The following ERC2 variants were observed in gnomAD, a reference collection of about 807,000 sequenced individuals.
ERC2 encodes the protein ELKS/RAB6-interacting/CAST family member 2.
In ERC2, 42 loss-of-function variants were observed where a neutral mutation model predicts 114.8. The ratio of observed to expected loss-of-function variants is 0.37; its 90% confidence interval spans 0.29 to 0.47. The LOEUF (loss-of-function observed/expected upper bound fraction) is 0.47. ERC2 is among the 20% of genes least tolerant of loss of function. The pLI is 0.99. For missense variants in ERC2, 939 were observed against 1,150.7 expected, an observed-to-expected ratio of 0.82 and a Z score of 2.66; for synonymous variants, 454 against 425.5, an observed-to-expected ratio of 1.07 and a Z score of -0.82.
intron 7 of ERC2, among the ~76,000 whole-genome samples, chr3:56,062,268 C>T (rs1040992582): frequency 2.6e-5 from 4 of 152,066 alleles, no homozygotes; most frequent in South Asian, 2.1e-4. Flanking sequence ...AAATAATAAA[C>T]GGTAAGAGAA....
intron 3 of ERC2, among the ~76,000 whole-genome samples, chr3:56,209,255 C>A (rs1008182416): frequency 1.3e-5 from 2 of 152,154 alleles, no homozygotes; most frequent in African/African-American, 4.8e-5. Context: ...CTCCACCTCC[C>A]ATCTATTTGC....
intron 2 of ERC2, among the ~76,000 whole-genome samples, chr3:56,345,080 A>T (rs563470226): frequency 6.6e-6 from 1 of 152,352 alleles, no homozygotes; most frequent in Admixed American, 6.5e-5. Context: ...ACACTAGAAA[A>T]GAAGTCCCCA....
At chr3:56,385,365 TC>T (rs1333748620) in intron 2 of ERC2, among the ~76,000 whole-genome samples, 2 of 152,058 alleles carry the variant, frequency 1.3e-5, no homozygotes, top group African/African-American at 4.8e-5. Context: ...GCTGTCATAA[TC>T]CAATCACTTC....
At chr3:56,340,637 GTTTTC>G (rs1358226389) in intron 2 of ERC2, among the ~76,000 whole-genome samples, 2 of 151,508 alleles carry the variant, frequency 1.3e-5, no homozygotes, top group African/African-American at 2.4e-5. Flanking sequence ...CTTGGGGCAA[GTTTTC>G]TTTTAACAGC....
chr3:56,161,104 A>G (rs2082025830), intron 4 of ERC2, among the ~76,000 whole-genome samples: 2 of 152,158 alleles, frequency 1.3e-5, no homozygotes, highest in Admixed American at 1.3e-4. Flanking sequence ...TTGCTCAGTT[A>G]GCTCACATGA....
At chr3:56,133,461 A>G (rs1412714432) in intron 6 of ERC2, among the ~76,000 whole-genome samples, 1 of 152,174 alleles carries the variant, frequency 6.6e-6, no homozygotes, top group African/African-American at 2.4e-5. Flanking sequence ...ATAAAATAAA[A>G]CAAAGATTAA....
chr3:56,285,827 G>C (rs1183613599), intron 3 of ERC2, among the ~76,000 whole-genome samples: 2 of 152,150 alleles, frequency 1.3e-5, no homozygotes, highest in African/African-American at 4.8e-5. Flanking sequence ...AATTGTGTAG[G>C]GCTAAAAAGT....
chr3:56,341,947 G>C (rs929612360), intron 2 of ERC2, among the ~76,000 whole-genome samples: 4 of 152,200 alleles, frequency 2.6e-5, no homozygotes, highest in African/African-American at 9.6e-5. Flanking sequence ...CACCAAGCCA[G>C]ACACTCCTGC....
intron 13 of ERC2, among the ~76,000 whole-genome samples, chr3:55,934,845 A>G (rs543249999): frequency 1.3e-5 from 2 of 152,336 alleles, no homozygotes; most frequent in East Asian, 3.9e-4. Flanking sequence ...AAAGTTCAAA[A>G]CCCAATCAGT....
intron 3 of ERC2, among the ~76,000 whole-genome samples, chr3:56,232,989 A>C (rs374376064): frequency 6.6e-6 from 1 of 152,202 alleles, no homozygotes; most frequent in Non-Finnish European, 1.5e-5. Flanking sequence ...TCAGATATGC[A>C]TTGGCACTTT....
intron 11 of ERC2, among the ~76,000 whole-genome samples, chr3:55,988,774 C>G (rs766118309): frequency 2.0e-5 from 3 of 152,204 alleles, no homozygotes; most frequent in Non-Finnish European, 4.4e-5. Context: ...GCAAACATTT[C>G]TCCATGGCTC....
chr3:56,029,396 G>A (rs904288218), intron 7 of ERC2, among the ~76,000 whole-genome samples: 1 of 152,040 alleles, frequency 6.6e-6, no homozygotes, highest in African/African-American at 2.4e-5. Context: ...GAGAAATTGA[G>A]TAAAATTAGG....
intron 6 of ERC2, among the ~76,000 whole-genome samples, chr3:56,108,686 T>C (rs748003500): frequency 1.3e-5 from 2 of 152,174 alleles, no homozygotes; most frequent in African/African-American, 2.4e-5. Context: ...CTATAGATGA[T>C]TCTTTTTAAA....
intron 2 of ERC2, among the ~76,000 whole-genome samples, chr3:56,345,436 G>A (rs916275272): frequency 6.6e-6 from 1 of 152,142 alleles, no homozygotes; most frequent in Non-Finnish European, 1.5e-5. Context: ...GTAAAACTCA[G>A]GTGCTTATAG....
intron 17 of ERC2, among the ~76,000 whole-genome samples, chr3:55,559,142 C>T (rs2107468130): frequency 6.6e-6 from 1 of 152,280 alleles, no homozygotes; most frequent in Middle Eastern, 3.4e-3. Flanking sequence ...TTTCATGCTC[C>T]CTTAAACCAG....
intron 14 of ERC2, among the ~76,000 whole-genome samples, chr3:55,750,575 G>A (rs77283019): frequency 0.015 from 2,255 of 152,274 alleles, 29 homozygotes; most frequent in East Asian, 0.037. Flanking sequence ...AGCTGAGTAT[G>A]AAGGGAGGGT....
chr3:55,879,647 T>C (rs2063029833), intron 14 of ERC2, among the ~76,000 whole-genome samples: 1 of 152,184 alleles, frequency 6.6e-6, no homozygotes, highest in African/African-American at 2.4e-5. Flanking sequence ...AGGAATAGAC[T>C]AGAGGTGTAA....
At chr3:56,444,867 T>G (rs2062489352) in intron 1 of ERC2, among the ~76,000 whole-genome samples, 2 of 152,194 alleles carry the variant, frequency 1.3e-5, no homozygotes, top group African/African-American at 4.8e-5. Context: ...TCAGCATCCC[T>G]AACTTTTCCA....
In ERC2 at chr3:55,872,424, G is replaced by A. The variant is rs192982767; in HGVS notation, c.2564+15965C>T. On this transcript the variant is annotated intron_variant, in intron 14 of 17. Coordinates refer to ENST00000288221, the MANE Select transcript of ERC2 (RefSeq NM_015576.3). ...ATTAACCAAAATTACTTAAAAGTCT[G>A]TTCTCCAAATATAGGCATTTGAGAA... Among the ~76,000 whole-genome samples, 44 of 152,268 alleles carry A rather than the reference G, an allele frequency of 2.9e-4. 1 individual carries two copies. In the South Asian group the frequency reaches 7.5e-3, roughly 26 times the overall value.
Sources: gnomAD v4.1 joint callset for allele counts (sites outside exome capture counted in the v4.1 genomes callset) on GRCh38, gnomAD v4.1.1 for gene constraint, MANE v1.5 for transcripts, NCBI Gene and HGNC (gene_info 2026-07-23, HGNC 2026-07-21) for gene names.